STARD7: variants seen among roughly 807,000 people sequenced by gnomAD.
STARD7 encodes StAR related lipid transfer domain containing 7.
STARD7 carries 30 observed loss-of-function variants against 45.3 expected under a neutral mutation model. The observed-to-expected ratio is 0.66, with a 90% CI of 0.50 to 0.90. The LOEUF is 0.90. STARD7 is among the 40% of genes least tolerant of loss of function. The pLI is 0.00. For missense variants in STARD7, 495 were observed against 491.3 expected, an observed-to-expected ratio of 1.01 and a Z score of -0.07; for synonymous variants, 199 against 183.0, an observed-to-expected ratio of 1.09 and a Z score of -0.70.
Position 96,194,939 on chromosome 2 carries a change from G to C in STARD7, c.549+19C>G. ...GATATGCTAGGAGGCTCCAAATCTG[G>C]AGAGAAAAATTAACTCACCTGAACA... On this transcript the variant is annotated intron_variant, in intron 3 of 7. Transcript: ENST00000337288. 1.2e-6 allele frequency: 2 copies of C among 1,602,838 alleles called. No individual in the cohort carries two copies. The highest frequency in any genetic ancestry group is 1.1e-5 in the South Asian group (1 of 88,638).
At chr2:96,200,807 T>C (rs1412984253) in intron 1 of STARD7, among the ~76,000 whole-genome samples, 2 of 152,108 alleles carry the variant, frequency 1.3e-5, no homozygotes. Context: ...TGTGCTACCA[T>C]ACCCAGCTTC....
At chr2:96,193,864 G>C (rs1244798138) in intron 3 of STARD7, among the ~76,000 whole-genome samples, 1 of 152,222 alleles carries the variant, frequency 6.6e-6, no homozygotes, top group Non-Finnish European at 1.5e-5. Context: ...CAGTACCTCA[G>C]GGAAAGTGCA....
At chr2:96,187,072 C>A in intron 7 of STARD7, 145 bp downstream of exon 7, 1 of 892,736 alleles carries the variant, frequency 1.1e-6, no homozygotes, top group East Asian at 2.6e-5. Flanking sequence ...GGAATGTGTT[C>A]CCAAAGCATG....
chr2:96,202,577 T>C (rs890608920), intron 1 of STARD7, among the ~76,000 whole-genome samples: 2 of 152,208 alleles, frequency 1.3e-5, no homozygotes, highest in African/African-American at 2.4e-5. Context: ...AGGGCATCGA[T>C]TACAGCATTT....
At position 96,208,246 on chromosome 2, in the gene STARD7, G is replaced by A. The variant is rs781246032; in HGVS notation, c.189C>T (p.Arg63=). 2 of 1,612,258 alleles carry A rather than the reference G, an allele frequency of 1.2e-6. No homozygotes were observed. The highest frequency in any genetic ancestry group is 1.1e-5 in the South Asian group (1 of 90,992). Residue 63 remains arginine (R), a synonymous_variant, in exon 1 of 8, where the codon CGC becomes CGT. Coordinates refer to ENST00000337288, the MANE Select transcript of STARD7 (RefSeq NM_020151.4). ...SRRVLLGRLW[R]RLHGRPGHAS... ...CATGGCCAGGACGGCCGTGCAGCCGGCGCCAGAGGCGGCCGAGGAGAACGC... is the reference window on the plus strand; with the variant it reads ...CATGGCCAGGACGGCCGTGCAGCCGACGCCAGAGGCGGCCGAGGAGAACGC...
intron 2 of STARD7, 137 bp from the exon 3 acceptor site, chr2:96,195,144 G>C (rs1487734915): frequency 2.3e-6 from 2 of 866,566 alleles, no homozygotes; most frequent in African/African-American, 1.7e-5. Context: ...TCTTAGTAGA[G>C]CAACAAAGAA....
chr2:96,207,909 CAA>C (rs1209582254), intron 1 of STARD7, among the ~76,000 whole-genome samples: 1 of 152,170 alleles, frequency 6.6e-6, no homozygotes, highest in African/African-American at 2.4e-5. Flanking sequence ...TCGCCCCACT[CAA>C]AGTCTCCCTC....
At chr2:96,197,206 A>G (rs1262446422) in intron 1 of STARD7, among the ~76,000 whole-genome samples, 1 of 151,902 alleles carries the variant, frequency 6.6e-6, no homozygotes, top group Non-Finnish European at 1.5e-5. Flanking sequence ...GGAGTTCGAG[A>G]CCGGCCTGGG....
rs1683042773 is a variant in STARD7 at position 96,186,717 on chromosome 2, AT to A, written c.*12del. On this transcript the variant is annotated 3_prime_UTR_variant, in exon 8 of 8. Transcript: ENST00000337288. Reference sequence around the variant, plus strand: ...GGCTAGAAGCACCTTGTCCCTTCTTATCCCAAAGCCTGTCAAGCATACTCAA... The same window carrying A: ...GGCTAGAAGCACCTTGTCCCTTCTTACCCAAAGCCTGTCAAGCATACTCAA... 6.3e-7 allele frequency: 1 copy of A among 1,594,704 alleles called. No homozygotes were observed. Among genetic ancestry groups the A allele is most frequent in the African/African-American group, 1.3e-5 (1 of 74,284 alleles).
At position 96,208,374 on chromosome 2, in the gene STARD7, C is replaced by T. The variant is rs755001755; in HGVS notation, c.61G>A (p.Ala21Thr). Residue 21 changes from alanine to threonine, a missense_variant, in exon 1 of 8, where the codon GCG becomes ACG. Physicochemically the swap from Ala to Thr is moderately conservative, Grantham distance 58. This residue lies in a region of STARD7 where 282 missense variants were observed against 220.1 expected (regional missense o/e 1.28). Coordinates refer to ENST00000337288, the MANE Select transcript of STARD7 (RefSeq NM_020151.4). ...LAGTRGGGLL[A>T]LLANQCRFVT... The stretch of plus-strand genomic sequence containing the variant: ...AAGCGGCACTGATTGGCCAGAAGCG[C>T]CAGCAGGCCCCCGCCCCGCGTCCCC... The T allele has an allele frequency of 6.6e-7, 1 of 1,521,530 alleles. No homozygotes were observed. The highest frequency in any genetic ancestry group is 8.7e-7 in the Non-Finnish European group (1 of 1,145,290). 94.3% of individuals were successfully genotyped at this position (1,521,530 alleles called of 1,614,324 possible).
intron 6 of STARD7, among the ~76,000 whole-genome samples, chr2:96,189,632 C>G (rs528879152): frequency 6.5e-4 from 97 of 148,828 alleles, no homozygotes; most frequent in Non-Finnish European, 1.1e-3. Flanking sequence ...TTGAACCTGG[C>G]AGGTGGAGGT....
intron 1 of STARD7, among the ~76,000 whole-genome samples, chr2:96,204,809 T>C (rs565571387): frequency 6.7e-6 from 1 of 149,870 alleles, no homozygotes; most frequent in East Asian, 2.0e-4. Context: ...ATTTATCTAG[T>C]CAATAACACA....
chr2:96,200,423 C>T (rs893470271), intron 1 of STARD7, among the ~76,000 whole-genome samples: 2 of 152,074 alleles, frequency 1.3e-5, no homozygotes, highest in Non-Finnish European at 2.9e-5. Context: ...TACTATGTAT[C>T]ACTATGTATC....
At chr2:96,192,648 G>C (rs1316920003) in intron 5 of STARD7, among the ~76,000 whole-genome samples, 180 bp from the exon 6 acceptor site, 1 of 152,158 alleles carries the variant, frequency 6.6e-6, no homozygotes, top group African/African-American at 2.4e-5. Flanking sequence ...AAGGCCAGAC[G>C]TGGTGGCTCA....
intron 6 of STARD7, among the ~76,000 whole-genome samples, chr2:96,190,496 C>T (rs891254497): frequency 9.2e-5 from 14 of 152,026 alleles, no homozygotes; most frequent in African/African-American, 3.4e-4. Context: ...TGCCACAATG[C>T]CTGGATAATT....
At position 96,186,877 on chromosome 2, in the gene STARD7, A is replaced by G; in HGVS notation, c.966T>C (p.Thr322=). The G allele has an allele frequency of 6.2e-7, 1 of 1,613,868 alleles. No individual in the cohort carries two copies. The highest frequency in any genetic ancestry group is 8.5e-7 in the Non-Finnish European group (1 of 1,179,822). The change falls in exon 8 of 8, where the codon ACT becomes ACC. Residue 322 remains threonine, a synonymous_variant. Transcript: ENST00000337288. ...PDFLEKLHMA[T]LKAKNMEIKV... The stretch of plus-strand genomic sequence containing the variant: ...TAATCTCCATATTCTTGGCTTTCAG[A>G]GTGGCCATGTGCAGCTTCTCCAGGA...
intron 3 of STARD7, among the ~76,000 whole-genome samples, chr2:96,194,378 C>G (rs1195030087): frequency 6.6e-6 from 1 of 151,652 alleles, no homozygotes; most frequent in African/African-American, 2.4e-5. Flanking sequence ...AAAAAAAAAC[C>G]CTCCACTATG....
Position 96,195,398 on chromosome 2 carries a change from T to A in STARD7, c.442A>T (p.Lys148Ter). The A allele has an allele frequency of 6.2e-7, 1 of 1,607,106 alleles. No individual in the cohort carries two copies. Among genetic ancestry groups the A allele is most frequent in the Non-Finnish European group, 8.5e-7 (1 of 1,176,674 alleles). Residue 148 changes from lysine (K) to a stop codon, truncating the protein, a stop_gained, in exon 2 of 8, where the codon AAA (lysine) becomes TAA (stop). Transcript: ENST00000337288. LOFTEE classifies it high-confidence loss of function. Reference sequence around the variant, plus strand: ...GGGCGCCGCCACAGCTTAAAGTGTTTCTTATCCATCACCATTTCCCAACGT... The same window carrying A: ...GGGCGCCGCCACAGCTTAAAGTGTTACTTATCCATCACCATTTCCCAACGT... Reference protein sequence around the residue: ...EQRWEMVMDKKHFKLWRRPIT... With the variant: ...EQRWEMVMDK
rs745604896 is a variant in STARD7 at position 96,193,387 on chromosome 2, A to C, written c.550-35T>G. On this transcript the variant is annotated intron_variant, in intron 3 of 7. Transcript: ENST00000337288. ...GAGAAAAGACCATGAATACCCAAGA[A>C]GACCCAAAACAAAAATGCAGAAAGC... 3 of 1,422,476 alleles carry C rather than the reference A, an allele frequency of 2.1e-6. No individual in the cohort carries two copies. In the African/African-American group the frequency reaches 4.2e-5, roughly 20 times the overall value. 88.1% of individuals were successfully genotyped at this position (1,422,476 alleles called of 1,614,324 possible). A position where few individuals can be genotyped will look rare whatever the true frequency, so the allele number is the denominator to read the frequency against.
Sources: gnomAD v4.1 joint callset for allele counts (sites outside exome capture counted in the v4.1 genomes callset) on GRCh38, gnomAD v4.1.1 for gene constraint, gnomAD v4.1.1 regional missense constraint, MANE v1.5 for transcripts, NCBI Gene and HGNC (gene_info 2026-07-23, HGNC 2026-07-21) for gene names.